TPO: variants seen among roughly 807,000 people sequenced by gnomAD.
TPO encodes the protein thyroid microsomal antigen.
In TPO, 78 loss-of-function variants were observed where a neutral mutation model predicts 96.9. That is an observed-to-expected ratio of 0.81 (90% CI 0.67 to 0.97). TPO has a LOEUF of 0.97. Ranked by LOEUF, TPO falls within the 50% of genes least tolerant of loss-of-function variation. The pLI, the probability that TPO is intolerant of heterozygous loss-of-function variation, is 0.00. For synonymous variants in TPO, 547 were observed against 538.0 expected, an observed-to-expected ratio of 1.02 and a Z score of -0.23; for missense variants, 1,252 against 1,274.8, an observed-to-expected ratio of 0.98 and a Z score of 0.27.
intron 8 of TPO, among the ~76,000 whole-genome samples, chr2:1,479,122 A>G (rs989819395): frequency 1.7e-4 from 26 of 152,248 alleles, no homozygotes; most frequent in African/African-American, 6.3e-4. Context: ...AAACGGGAAT[A>G]TAAACCCAGG....
At chr2:1,382,174 C>G (rs762682482) in intron 1 of TPO, among the ~76,000 whole-genome samples, 2 of 152,162 alleles carry the variant, frequency 1.3e-5, no homozygotes, top group South Asian at 4.1e-4. Context: ...AACCCGGGAG[C>G]GTTTCAGTCC....
rs570476475 is a variant in TPO, at chr2:1,479,744, TGTCCTCCTCCTC to T, written c.1338+2153_1338+2164del. Among the ~76,000 whole-genome samples the T allele has an allele frequency of 8.7e-3, 1,317 of 152,056 alleles. 11 individuals carry two copies. The highest frequency in any genetic ancestry group is 0.045 in the Middle Eastern group (13 of 292). Reference sequence around the variant, plus strand: ...GGCTGTGGCTGCTGCTGCTCCTCCTTGTCCTCCTCCTCGTCCTCCTCCTCCTCTTCTTCTTCT... The same window carrying T: ...GGCTGTGGCTGCTGCTGCTCCTCCTTGTCCTCCTCCTCCTCTTCTTCTTCT... On this transcript the variant is annotated intron_variant, in intron 8 of 16. Coordinates refer to ENST00000329066, the MANE Select transcript of TPO (RefSeq NM_001206744.2).
At chr2:1,525,937 TCATATCCCCCGACTGTTTACAACCTTCC>T (rs1676364344) in intron 15 of TPO, among the ~76,000 whole-genome samples, 12 of 46,594 alleles carry the variant, frequency 2.6e-4, no homozygotes, top group Non-Finnish European at 3.6e-4. Context: ...CGCAACCTCC[TCATATCCCCCGACTGTTTACAACCTTCC>T]CAAATCTCCC....
chr2:1,516,850 G>T (rs762290861), intron 14 of TPO, 33 bp from the exon 15 acceptor site: 16 of 1,609,314 alleles, frequency 9.9e-6, no homozygotes, highest in Admixed American at 5.0e-5. Context: ...GCCCTGGAAG[G>T]TTCTTCTAAC....
At chr2:1,425,423 C>T (rs1346649242) in intron 3 of TPO, among the ~76,000 whole-genome samples, 1 of 151,902 alleles carries the variant, frequency 6.6e-6, no homozygotes, top group African/African-American at 2.4e-5. Context: ...AGTCCGTGCC[C>T]CTTCTGTAAA....
chr2:1,401,598 G>T (rs1662173622), intron 1 of TPO, among the ~76,000 whole-genome samples: 1 of 152,060 alleles, frequency 6.6e-6, no homozygotes, highest in African/African-American at 2.4e-5. Flanking sequence ...CTCAGGACCA[G>T]ACAAGCAGAG....
intron 1 of TPO, among the ~76,000 whole-genome samples, chr2:1,395,304 AAG>A (rs1384987031): frequency 6.6e-6 from 1 of 152,096 alleles, no homozygotes; most frequent in Non-Finnish European, 1.5e-5. Flanking sequence ...CTCTGACACA[AAG>A]ATTTCCCATG....
At chr2:1,463,984 G>T (rs1668671840) in intron 7 of TPO, among the ~76,000 whole-genome samples, 1 of 152,134 alleles carries the variant, frequency 6.6e-6, no homozygotes, top group South Asian at 2.1e-4. Flanking sequence ...TGAGATTTCG[G>T]TGCACCCATC....
At chr2:1,528,715 C>T (rs1230445231) in intron 15 of TPO, among the ~76,000 whole-genome samples, 1 of 140,844 alleles carries the variant, frequency 7.1e-6, no homozygotes, top group Non-Finnish European at 1.5e-5. Context: ...TCCCCAAATC[C>T]CACCCACTCT....
intron 15 of TPO, among the ~76,000 whole-genome samples, chr2:1,531,953 CGA>C (rs1678363252): frequency 3.3e-5 from 2 of 59,834 alleles, no homozygotes; most frequent in African/African-American, 1.3e-4. Context: ...CCCCCCACTG[CGA>C]GCAACCTCCT....
At chr2:1,508,619 A>C (rs138870230) in intron 14 of TPO, among the ~76,000 whole-genome samples, 8,672 of 151,890 alleles carry the variant, frequency 0.057, 358 homozygotes, top group South Asian at 0.13. Context: ...CTTGGGAAGA[A>C]GTATGTGTCG....
At chr2:1,410,026 A>C (rs865872762), upstream of TPO, among the ~76,000 whole-genome samples, 2 of 152,146 alleles carry the variant, frequency 1.3e-5, no homozygotes, top group South Asian at 2.1e-4. Context: ...GCTGGTCAAA[A>C]GTGAGGGTTT....
chr2:1,523,598 T>G (rs1380534909), intron 15 of TPO, among the ~76,000 whole-genome samples: 1 of 117,812 alleles, frequency 8.5e-6, no homozygotes, highest in Admixed American at 1.0e-4. Context: ...CCACACTGTG[T>G]GCAAACTCCT....
intron 5 of TPO, among the ~76,000 whole-genome samples, chr2:1,446,333 G>A (rs1262271134): frequency 6.6e-6 from 1 of 152,202 alleles, no homozygotes; most frequent in African/African-American, 2.4e-5. Context: ...GCCTTGCTGA[G>A]GGAGACACTC....
rs527456834 is a variant in TPO at position 1,523,751 on chromosome 2, C to A, written c.2618+6769C>A. Among the ~76,000 whole-genome samples the A allele has an allele frequency of 4.3e-4, 50 of 117,088 alleles. No homozygotes were observed. The East Asian group carries it at 0.015, about 35-fold the overall frequency. 76.8% of individuals were successfully genotyped at this position (117,088 alleles called of 152,430 possible). A position where few individuals can be genotyped will look rare whatever the true frequency, so the allele number is the denominator to read the frequency against. ...GGTCCCCCACTGTGTGCAACCCCCC[C>A]AAATACCGCCACTGTGTGCAACCTC... On this transcript the variant is annotated intron_variant, in intron 15 of 16. Coordinates refer to ENST00000329066, the MANE Select transcript of TPO (RefSeq NM_001206744.2).
chr2:1,377,525 C>T (rs1342744379), intron 1 of TPO, among the ~76,000 whole-genome samples: 1 of 152,180 alleles, frequency 6.6e-6, no homozygotes, highest in Non-Finnish European at 1.5e-5. Flanking sequence ...TGCACCTTCA[C>T]AAGAGCTCAA....
intron 14 of TPO, among the ~76,000 whole-genome samples, chr2:1,513,991 A>C (rs1417325856): frequency 1.3e-5 from 2 of 152,208 alleles, no homozygotes; most frequent in African/African-American, 4.8e-5. Context: ...ATAGTTTTAC[A>C]TGTGCTTCTA....
chr2:1,396,987 T>C (rs1167051556), intron 1 of TPO, among the ~76,000 whole-genome samples: 2 of 152,112 alleles, frequency 1.3e-5, no homozygotes, highest in Non-Finnish European at 2.9e-5. Flanking sequence ...ATTCAAATAA[T>C]GTGTATTTTC....
At chr2:1,472,331 C>T (rs2148656716) in intron 7 of TPO, among the ~76,000 whole-genome samples, 1 of 151,972 alleles carries the variant, frequency 6.6e-6, no homozygotes, top group South Asian at 2.1e-4. Context: ...CATGGTGTGT[C>T]CTTCTGATGA....
Sources: allele counts gnomAD v4.1 joint callset (sites outside exome capture counted in the v4.1 genomes callset), GRCh38; gene constraint gnomAD v4.1.1; transcripts MANE v1.5; gene names NCBI Gene and HGNC (gene_info 2026-07-23, HGNC 2026-07-21).